The following KPNA3 variants were observed in gnomAD, a reference collection of about 807,000 sequenced individuals.
The protein encoded by KPNA3 is importin subunit alpha-4.
In KPNA3, 13 loss-of-function variants were observed where a neutral mutation model predicts 73.8. The observed-to-expected ratio is 0.18, with a 90% CI of 0.11 to 0.28. The LOEUF (loss-of-function observed/expected upper bound fraction) is 0.28, where lower values mean the gene tolerates loss of function less well. Among genes scored for constraint, KPNA3 ranks in the 10% least tolerant of loss-of-function variants. The pLI is 1.00. For synonymous variants in KPNA3, 186 were observed against 206.9 expected (o/e 0.90, Z 0.87); for missense variants, 360 against 618.1 (o/e 0.58, Z 4.43).
chr13:49,716,893 C>T (rs1045017572), intron 10 of KPNA3, among the ~76,000 whole-genome samples: 13 of 152,136 alleles, frequency 8.5e-5, no homozygotes, highest in Admixed American at 7.2e-4. Context: ...TTCATCAATC[C>T]CTTAAATACT....
At chr13:49,716,639 A>T (rs1954306589) in intron 10 of KPNA3, among the ~76,000 whole-genome samples, 1 of 151,970 alleles carries the variant, frequency 6.6e-6, no homozygotes. Flanking sequence ...GGGTTTTGCT[A>T]TGTTGGCCAG....
At chr13:49,786,259 TAA>T (rs554202364) in intron 1 of KPNA3, among the ~76,000 whole-genome samples, 74 of 152,294 alleles carry the variant, frequency 4.9e-4, no homozygotes, top group African/African-American at 1.8e-3. Flanking sequence ...CTCTTCTCAT[TAA>T]GTTTCATGTT....
intron 1 of KPNA3, among the ~76,000 whole-genome samples, chr13:49,762,186 T>A (rs1346031746): frequency 6.8e-6 from 1 of 146,368 alleles, no homozygotes; most frequent in Non-Finnish European, 1.5e-5. Flanking sequence ...AGCCGCCTCG[T>A]CCGGGAGGGA....
intron 1 of KPNA3, among the ~76,000 whole-genome samples, chr13:49,780,520 G>A (rs1954932831): frequency 6.6e-6 from 1 of 151,946 alleles, no homozygotes; most frequent in South Asian, 2.1e-4. Flanking sequence ...GAGACCTTGA[G>A]GGTTTTCTGT....
intron 1 of KPNA3, among the ~76,000 whole-genome samples, chr13:49,782,115 A>G (rs1954945776): frequency 6.6e-6 from 1 of 152,238 alleles, no homozygotes. Flanking sequence ...AGGCACATTA[A>G]TTAATCAGAG....
At position 49,703,175 on chromosome 13, in the gene KPNA3, C is replaced by A. The variant is rs540787364; in HGVS notation, c.1373-695G>T. Among the ~76,000 whole-genome samples, 590 of 108,834 alleles carry A rather than the reference C, an allele frequency of 5.4e-3. 6 individuals are homozygous for A. Among genetic ancestry groups the A allele is most frequent in the African/African-American group, 0.019 (564 of 30,258 alleles). The allele number at this position is 108,834 out of a possible 152,430, so 71.4% of individuals were successfully genotyped here. ...GAGCCACTGCGCCTGGGCATTTTTTCTTTCTTTCTTTTTTTTTTTTTTTTT... is the reference window on the plus strand; with the variant it reads ...GAGCCACTGCGCCTGGGCATTTTTTATTTCTTTCTTTTTTTTTTTTTTTTT... On this transcript the variant is annotated intron_variant, in intron 15 of 16. Coordinates refer to ENST00000261667, the MANE Select transcript of KPNA3 (RefSeq NM_002267.4).
intron 1 of KPNA3, among the ~76,000 whole-genome samples, chr13:49,790,671 A>G (rs1337391864): frequency 6.6e-6 from 1 of 152,238 alleles, no homozygotes; most frequent in Admixed American, 6.5e-5. Context: ...CTTAGCAACC[A>G]TGCTCTTTTT....
chr13:49,778,519 A>G (rs970263568), intron 1 of KPNA3, among the ~76,000 whole-genome samples: 2 of 152,242 alleles, frequency 1.3e-5, no homozygotes, highest in African/African-American at 4.8e-5. Context: ...CTTTCTTTTA[A>G]CAAGATATAA....
At chr13:49,722,438 AATTT>A in intron 8 of KPNA3, 35 bp downstream of exon 8, 1 of 1,389,836 alleles carries the variant, frequency 7.2e-7, no homozygotes, top group Non-Finnish European at 1.0e-6. Flanking sequence ...GAAAAAAGTT[AATTT>A]AGATTCTTAA....
At chr13:49,737,914 T>C (rs1954539211) in intron 2 of KPNA3, among the ~76,000 whole-genome samples, 1 of 152,220 alleles carries the variant, frequency 6.6e-6, no homozygotes, top group South Asian at 2.1e-4. Flanking sequence ...AGCAAAATTT[T>C]TAATTTAATC....
chr13:49,788,741 A>T (rs143613078), intron 1 of KPNA3, among the ~76,000 whole-genome samples: 1,862 of 123,586 alleles, frequency 0.015, 22 homozygotes, highest in African/African-American at 0.039. Flanking sequence ...TTTTTTTTAA[A>T]AAAAAAAAGC....
intron 15 of KPNA3, among the ~76,000 whole-genome samples, chr13:49,704,615 A>G (rs1184295084): frequency 6.6e-6 from 1 of 152,074 alleles, no homozygotes; most frequent in African/African-American, 2.4e-5. Context: ...CTAAAACATG[A>G]CATTATGATA....
chr13:49,738,690 G>A (rs990264803), intron 2 of KPNA3, among the ~76,000 whole-genome samples: 1 of 152,128 alleles, frequency 6.6e-6, no homozygotes, highest in Admixed American at 6.5e-5. Context: ...TTTATTCTGT[G>A]ACCTTGCTAA....
chr13:49,791,685 A>G (rs968130793), intron 1 of KPNA3, among the ~76,000 whole-genome samples: 1 of 151,542 alleles, frequency 6.6e-6, no homozygotes, highest in Admixed American at 6.6e-5. Context: ...AACAAGTCCT[A>G]TGAGCGGAGG....
chr13:49,761,484 G>C (rs918653401), intron 1 of KPNA3, among the ~76,000 whole-genome samples: 4 of 152,276 alleles, frequency 2.6e-5, no homozygotes, highest in Admixed American at 2.6e-4. Context: ...CGAGTGATCT[G>C]CCAGCCTCGG....
chr13:49,790,792 G>A (rs1955026693), intron 1 of KPNA3, among the ~76,000 whole-genome samples: 1 of 152,178 alleles, frequency 6.6e-6, no homozygotes, highest in South Asian at 2.1e-4. Flanking sequence ...CACAATAGAG[G>A]TAAACAATGA....
At chr13:49,789,060 T>C (rs1160294181) in intron 1 of KPNA3, among the ~76,000 whole-genome samples, 1 of 152,198 alleles carries the variant, frequency 6.6e-6, no homozygotes, top group Non-Finnish European at 1.5e-5. Context: ...AACAGCGCTA[T>C]TTCTCCAAAA....
intron 7 of KPNA3, among the ~76,000 whole-genome samples, chr13:49,724,539 C>A (rs1954391099): frequency 6.6e-6 from 1 of 152,128 alleles, no homozygotes; most frequent in Non-Finnish European, 1.5e-5. Flanking sequence ...GATCTCCTGA[C>A]CTCGTGATCC....
At chr13:49,748,100 T>C (rs1429455275) in intron 1 of KPNA3, among the ~76,000 whole-genome samples, 1 of 152,220 alleles carries the variant, frequency 6.6e-6, no homozygotes, top group Non-Finnish European at 1.5e-5. Flanking sequence ...CAATTCCCAG[T>C]TCTTCCATTT....
Sources: gnomAD v4.1 joint callset for allele counts (sites outside exome capture counted in the v4.1 genomes callset) on GRCh38, gnomAD v4.1.1 for gene constraint, MANE v1.5 for transcripts, NCBI Gene and HGNC (gene_info 2026-07-23, HGNC 2026-07-21) for gene names.